Variants in CRACD observed in about 807,000 individuals in gnomAD.
CRACD encodes the protein capping protein-inhibiting regulator of actin dynamics.
A neutral mutation model predicts 106.8 loss-of-function variants in CRACD; 56 were observed. That is an observed-to-expected ratio of 0.52 (90% CI 0.42 to 0.66). CRACD has a LOEUF of 0.66. Ranked by LOEUF, CRACD falls within the 30% of genes least tolerant of loss-of-function variation. The probability of loss-of-function intolerance (pLI) is 0.00; values close to 1 mark genes in which losing one functional copy is unlikely to be tolerated. For missense variants in CRACD, 1,730 were observed against 1,623.2 expected, an observed-to-expected ratio of 1.07 and a Z score of -1.13; for synonymous variants, 754 against 670.8, an observed-to-expected ratio of 1.12 and a Z score of -1.92.
intron 1 of CRACD, among the ~76,000 whole-genome samples, chr4:56,166,692 A>AAAC (rs3036815): frequency 2.7e-5 from 4 of 150,500 alleles, no homozygotes; most frequent in Non-Finnish European, 5.9e-5. Context: ...AAAAAAAAAA[A>AAAC]CCATTTAATG....
intron 2 of CRACD, among the ~76,000 whole-genome samples, chr4:56,191,738 G>A (rs1418082181): frequency 6.6e-6 from 1 of 152,204 alleles, no homozygotes; most frequent in Non-Finnish European, 1.5e-5. Flanking sequence ...CAACCACCAT[G>A]TACGACGTTA....
intron 1 of CRACD, among the ~76,000 whole-genome samples, chr4:56,051,963 G>A (rs1387623191): frequency 6.6e-6 from 1 of 152,134 alleles, no homozygotes; most frequent in African/African-American, 2.4e-5. Flanking sequence ...AATAATGTGG[G>A]CATAGCACAA....
intron 2 of CRACD, among the ~76,000 whole-genome samples, chr4:56,255,821 T>G (rs60480035): frequency 0.19 from 28,847 of 152,182 alleles, 3,460 homozygotes; most frequent in Non-Finnish European, 0.26. Flanking sequence ...AGGCAACGTA[T>G]TTCTCATTTG....
chr4:56,167,097 T>G (rs956067604), intron 1 of CRACD, among the ~76,000 whole-genome samples: 29 of 152,248 alleles, frequency 1.9e-4, no homozygotes, highest in African/African-American at 6.8e-4. Flanking sequence ...TTCTTGATTT[T>G]TCTTTTGTGA....
intron 1 of CRACD, among the ~76,000 whole-genome samples, chr4:56,062,730 C>T (rs1732323423): frequency 6.6e-6 from 1 of 152,210 alleles, no homozygotes; most frequent in African/African-American, 2.4e-5. Flanking sequence ...AGTTCACAGC[C>T]AGTGAAACTA....
intron 4 of CRACD, among the ~76,000 whole-genome samples, chr4:56,302,990 G>C (rs1163836080): frequency 1.3e-5 from 2 of 152,204 alleles, no homozygotes; most frequent in Admixed American, 6.5e-5. Flanking sequence ...GCAACATGGA[G>C]TGTCAGTTGA....
In CRACD at chr4:56,328,178, A is replaced by T. The variant is rs1746585942; in HGVS notation, c.*374A>T. 7.5e-6 allele frequency: 3 copies of T among 398,830 alleles called. No homozygotes were observed. The highest frequency in any genetic ancestry group is 2.0e-5 in the South Asian group (1 of 49,698). 24.7% of individuals were successfully genotyped at this position (398,830 alleles called of 1,614,324 possible). Reference sequence around the variant, plus strand: ...GCCAACCTTTGGTAATGGTTTTTTGATTCTATGCACTAATTTTCTTTGTCC... The same window carrying T: ...GCCAACCTTTGGTAATGGTTTTTTGTTTCTATGCACTAATTTTCTTTGTCC... On this transcript the variant is annotated 3_prime_UTR_variant, in exon 11 of 11. Transcript: ENST00000682029.
intron 3 of CRACD, among the ~76,000 whole-genome samples, chr4:56,281,354 G>A (rs1178000033): frequency 6.6e-6 from 1 of 152,066 alleles, no homozygotes; most frequent in African/African-American, 2.4e-5. Context: ...TCCCAGCCCC[G>A]TCCATGAAAA....
chr4:56,323,959 G>T, intron 9 of CRACD, 145 bp from the exon 10 acceptor site: 1 of 852,200 alleles, frequency 1.2e-6, no homozygotes, highest in South Asian at 1.9e-5. Flanking sequence ...GTGGTTGAGC[G>T]TACATGGCTC....
chr4:56,180,070 A>C (rs1344060821), intron 2 of CRACD, among the ~76,000 whole-genome samples: 3 of 152,130 alleles, frequency 2.0e-5, no homozygotes, highest in Non-Finnish European at 4.4e-5. Context: ...TAGAAAATTC[A>C]ATGGAAACAG....
intron 3 of CRACD, among the ~76,000 whole-genome samples, chr4:56,279,795 A>G (rs1046568515): frequency 2.0e-5 from 3 of 152,142 alleles, no homozygotes; most frequent in Non-Finnish European, 4.4e-5. Flanking sequence ...ATTACTGGGT[A>G]TATACCCAAA....
At chr4:56,235,057 A>T (rs1481310931) in intron 2 of CRACD, among the ~76,000 whole-genome samples, 1 of 152,234 alleles carries the variant, frequency 6.6e-6, no homozygotes, top group African/African-American at 2.4e-5. Context: ...GCATATTGCG[A>T]TATAGTAGAC....
chr4:56,102,498 T>A (rs973335156), intron 1 of CRACD, among the ~76,000 whole-genome samples: 4 of 152,196 alleles, frequency 2.6e-5, no homozygotes, highest in African/African-American at 9.6e-5. Context: ...AATCCTCTAG[T>A]CTTCCTTTTA....
At chr4:56,145,695 T>G (rs1735355332) in intron 1 of CRACD, among the ~76,000 whole-genome samples, 1 of 152,150 alleles carries the variant, frequency 6.6e-6, no homozygotes, top group African/African-American at 2.4e-5. Context: ...CACTGCAACC[T>G]CCATCTCCCA....
intron 1 of CRACD, among the ~76,000 whole-genome samples, chr4:56,071,789 G>T (rs1323178786): frequency 6.6e-6 from 1 of 151,748 alleles, no homozygotes; most frequent in East Asian, 2.0e-4. Context: ...GGGATTACAG[G>T]CTTCAGCCAC....
intron 6 of CRACD, among the ~76,000 whole-genome samples, chr4:56,312,641 C>CTA (rs1745235578): frequency 6.6e-6 from 1 of 152,228 alleles, no homozygotes; most frequent in Non-Finnish European, 1.5e-5. Flanking sequence ...CTCAAAGGGA[C>CTA]TAAGTCCTGT....
intron 1 of CRACD, among the ~76,000 whole-genome samples, chr4:56,143,227 T>G (rs189836377): frequency 6.6e-6 from 1 of 152,198 alleles, no homozygotes; most frequent in Admixed American, 6.5e-5. Context: ...CCTGCCCTTT[T>G]CTAACTTGTT....
At chr4:56,277,703 G>A (rs549381267) in intron 3 of CRACD, among the ~76,000 whole-genome samples, 117 of 152,228 alleles carry the variant, frequency 7.7e-4, no homozygotes, top group African/African-American at 2.8e-3. Flanking sequence ...ATTAATCTTA[G>A]GAAGAAGTAA....
chr4:56,126,771 A>G (rs1215103684), intron 1 of CRACD, among the ~76,000 whole-genome samples: 1 of 152,202 alleles, frequency 6.6e-6, no homozygotes, highest in African/African-American at 2.4e-5. Context: ...TGAAATCAAA[A>G]TATTATGATC....
Sources: gnomAD v4.1 joint callset for allele counts (sites outside exome capture counted in the v4.1 genomes callset) on GRCh38, gnomAD v4.1.1 for gene constraint, MANE v1.5 for transcripts, NCBI Gene and HGNC (gene_info 2026-07-23, HGNC 2026-07-21) for gene names.